Variants in TTN observed in about 807,000 individuals in gnomAD.
TTN encodes connectin.
In TTN, 1,525 loss-of-function variants were observed where a neutral mutation model predicts 3,223.0. That is an observed-to-expected ratio of 0.47 (90% confidence interval 0.45 to 0.49). The LOEUF is 0.49. Among genes scored for constraint, TTN ranks in the 20% least tolerant of loss-of-function variants. The pLI, the probability that TTN is intolerant of heterozygous loss-of-function variation, is 0.00. For synonymous variants in TTN, 14,094 were observed against 15,161.0 expected, an observed-to-expected ratio of 0.93 and a Z score of 5.17; for missense variants, 40,786 against 43,424.0, an observed-to-expected ratio of 0.94 and a Z score of 5.40.
chr2:178,728,257 T>G lies in TTN; in HGVS notation c.19567A>C (p.Thr6523Pro). 1 of 1,613,312 alleles carries G rather than the reference T, an allele frequency of 6.2e-7. No homozygotes were observed. Among genetic ancestry groups the G allele is most frequent in the Non-Finnish European group, 8.5e-7 (1 of 1,179,510 alleles). ...QWFKDGKEISTSAKYRLVCHE... is the reference protein window; with the variant it reads ...QWFKDGKEISPSAKYRLVCHE... Reference sequence around the variant, plus strand: ...CACACAAGTCTGTATTTTGCACTTGTAGATATTTCTTTTCCATCCTTAAAC... The same window carrying G: ...CACACAAGTCTGTATTTTGCACTTGGAGATATTTCTTTTCCATCCTTAAAC... The change falls in exon 67 of 363, where the codon ACA becomes CCA. Residue 6523 changes from threonine to proline, a missense_variant. Physicochemically the swap from Thr to Pro is conservative, Grantham distance 38 (BLOSUM62 -1). Coordinates refer to ENST00000589042, the MANE Select transcript of TTN (RefSeq NM_001267550.2).
At chr2:178,671,230 T>C (rs762666191) in intron 155 of TTN, 60 bp from the exon 156 acceptor site, 53 of 1,278,182 alleles carry the variant, frequency 4.1e-5, no homozygotes, top group African/African-American at 1.7e-4. Context: ...GGAGCACTAC[T>C]ACTAACGTTA....
chr2:178,577,656 C>T lies in TTN; in HGVS notation c.68770G>A (p.Ala22924Thr). The change falls in exon 323 of 363, where the codon GCT (alanine) becomes ACT (threonine). Residue 22924 changes from alanine to threonine, a missense_variant. Physicochemically the swap from Ala to Thr is moderately conservative, Grantham distance 58 (BLOSUM62 0). Coordinates refer to ENST00000589042, the MANE Select transcript of TTN (RefSeq NM_001267550.2). ...GTACTTTCTGATGGAGCACTGATAG[C>T]ACCTGCTGTATTCTTTGCTCTAATT... ...FRIRAKNTAG[A>T]ISAPSESTET... is the part of the protein sequence containing the mutation. 1 of 1,613,086 alleles carries T rather than the reference C, an allele frequency of 6.2e-7. No individual in the cohort carries two copies. Among genetic ancestry groups the T allele is most frequent in the Non-Finnish European group, 8.5e-7 (1 of 1,179,486 alleles).
At position 178,781,252 on chromosome 2, in the gene TTN, C is replaced by T; in HGVS notation, c.3392G>A (p.Ser1131Asn). 1 of 1,613,944 alleles carries T rather than the reference C, an allele frequency of 6.2e-7. No homozygotes were observed. ...PLTTGYRYKV[S>N]YNKQTGECKL... ...GCATTCACCGGTTTGTTTGTTGTAA[C>T]TCACTTTGTATCTTTATGTAAATGT... Residue 1131 changes from serine (S) to asparagine (N), a missense_variant, in exon 21 of 363, where the codon AGT becomes AAT. Ser to Asn is a conservative substitution (Grantham distance 46). Coordinates refer to ENST00000589042, the MANE Select transcript of TTN (RefSeq NM_001267550.2).
At position 178,799,472 on chromosome 2, in the gene TTN, C is replaced by A; in HGVS notation, c.914+15G>T. ...CAAAATGTGCAATAATCTGCTCTCTCTATGGCAGCTTTACCTGACCGGAGA... is the reference window on the plus strand; with the variant it reads ...CAAAATGTGCAATAATCTGCTCTCTATATGGCAGCTTTACCTGACCGGAGA... On this transcript the variant is annotated intron_variant, in intron 6 of 362. Coordinates refer to ENST00000589042, the MANE Select transcript of TTN (RefSeq NM_001267550.2). The A allele has an allele frequency of 6.2e-7, 1 of 1,614,082 alleles. No homozygotes were observed. The highest frequency in any genetic ancestry group is 1.1e-5 in the South Asian group (1 of 91,044).
Position 178,573,457 on chromosome 2 carries a change from C to T in TTN, c.72675G>A (p.Pro24225=), listed in dbSNP as rs374314698. ...TAGTTGTCACTTCAGGGTTTTTGGG[C>T]GGATCAGGGGGTCCATAAGGATTCA... The part of the protein sequence containing the change: ...LAVNPYGPPD[P]PKNPEVTTIT... Residue 24225 remains proline, a synonymous_variant, in exon 326 of 363, where the codon CCG becomes CCA. Transcript: ENST00000589042. The T allele has an allele frequency of 1.4e-5, 21 of 1,514,588 alleles. No homozygotes were observed. Among genetic ancestry groups the T allele is most frequent in the East Asian group, 4.6e-5 (2 of 43,672 alleles). 93.8% of individuals were successfully genotyped at this position (1,514,588 alleles called of 1,614,324 possible). A position where few individuals can be genotyped will look rare whatever the true frequency, so the allele number is the denominator to read the frequency against.
rs774150150 is a variant in TTN at position 178,589,717 on chromosome 2, C to T, written c.62008G>A (p.Gly20670Ser). Reference sequence around the variant, plus strand: ...GCAATGTGAAGGTTTTCAGGCTCACCTGGTCTGTCAATAGGGTTAATAGCC... The same window carrying T: ...GCAATGTGAAGGTTTTCAGGCTCACTTGGTCTGTCAATAGGGTTAATAGCC... ...ILAINPIDRP[G>S]EPENLHIADK... Residue 20670 changes from glycine (G) to serine (S), a missense_variant, in exon 304 of 363, where the codon GGT (glycine) becomes AGT (serine). Transcript: ENST00000589042. The T allele has an allele frequency of 1.9e-6, 3 of 1,613,524 alleles. No individual in the cohort carries two copies. Among genetic ancestry groups the T allele is most frequent in the South Asian group, 1.1e-5 (1 of 91,066 alleles).
chr2:178,738,023 C>T, intron 49 of TTN, 59 bp downstream of exon 49: 2 of 1,568,608 alleles, frequency 1.3e-6, no homozygotes, highest in Non-Finnish European at 1.7e-6. Flanking sequence ...GTACAGAAAG[C>T]AAAAAGGACA....
Position 178,557,905 on chromosome 2 carries a change from A to G in TTN, c.87449T>C (p.Ile29150Thr), listed in dbSNP as rs373106927. The G allele has an allele frequency of 4.0e-5, 64 of 1,613,476 alleles. No homozygotes were observed. The highest frequency in any genetic ancestry group is 1.3e-4 in the Admixed American group (8 of 60,002). Residue 29150 changes from isoleucine to threonine, a missense_variant, in exon 328 of 363, where the codon ATA (isoleucine) becomes ACA (threonine). Transcript: ENST00000589042. ...PPTGPVVISDITEESVTLKWE... is the reference protein window; with the variant it reads ...PPTGPVVISDTTEESVTLKWE... ...TTTGAGAGTCACACTTTCTTCAGTT[A>G]TATCACTAATAACAACAGGGCCAGT...
In TTN at chr2:178,588,056, T is replaced by C; in HGVS notation, c.63351A>G (p.Lys21117=). ...IADASPDEGW[K]RCNAAAQLVR... ...CAAGCTGTGCTGCAGCATTACACCG[T>C]TTCCAGCCTTCATCAGGAGACGCAT... The change falls in exon 305 of 363, where the codon AAA becomes AAG. Residue 21117 remains lysine, a synonymous_variant. Transcript: ENST00000589042. 6.2e-7 allele frequency: 1 copy of C among 1,612,986 alleles called. No homozygotes were observed. The highest frequency in any genetic ancestry group is 8.5e-7 in the Non-Finnish European group (1 of 1,179,352).
Position 178,564,838 on chromosome 2 carries a change from A to G in TTN, c.81294T>C (p.Asn27098=). 6.2e-7 allele frequency: 1 copy of G among 1,613,300 alleles called. No homozygotes were observed. The highest frequency in any genetic ancestry group is 1.7e-4 in the Middle Eastern group (1 of 6,052). The change falls in exon 326 of 363, where the codon AAT becomes AAC. Residue 27098 remains asparagine, a synonymous_variant. Coordinates refer to ENST00000589042, the MANE Select transcript of TTN (RefSeq NM_001267550.2). ...QMLVQWHEPV[N]DGGTKIIGYH... The stretch of plus-strand genomic sequence containing the variant: ...AGCCAATAATTTTGGTGCCTCCATC[A>G]TTCACTGGCTCATGCCATTGCACAA...
intron 6 of TTN, chr2:178,798,635 C>T (rs1292187207): frequency 6.6e-6 from 1 of 152,140 alleles, no homozygotes; most frequent in Non-Finnish European, 1.5e-5. Flanking sequence ...TTGTGACTCT[C>T]TTTAATTTAC....
At position 178,786,050 on chromosome 2, in the gene TTN, A is replaced by C; in HGVS notation, c.2168T>G (p.Leu723Arg). ...GGTCTGCTGAGCATAGGATTCTTCAAGATGCCCAGGCTCTCTGGGCTCTCT... is the reference window on the plus strand; with the variant it reads ...GGTCTGCTGAGCATAGGATTCTTCACGATGCCCAGGCTCTCTGGGCTCTCT... Reference protein sequence around the residue: ...RVREPREPGHLEESYAQQTTL... With the variant: ...RVREPREPGHREESYAQQTTL... Residue 723 changes from leucine to arginine, a missense_variant, in exon 14 of 363, where the codon CTT becomes CGT. By Grantham distance (102) the Leu-to-Arg change is moderately radical. Transcript: ENST00000589042. 1 of 1,614,110 alleles carries C rather than the reference A, an allele frequency of 6.2e-7. No homozygotes were observed. Among genetic ancestry groups the C allele is most frequent in the South Asian group, 1.1e-5 (1 of 91,082 alleles).
rs769919302 is a variant in TTN at position 178,539,607 on chromosome 2, G to A, written c.98458C>T (p.Pro32820Ser). The change falls in exon 352 of 363, where the codon CCT becomes TCT. Residue 32820 changes from proline (P) to serine (S), a missense_variant. Pro to Ser is a moderately conservative substitution (Grantham distance 74). Coordinates refer to ENST00000589042, the MANE Select transcript of TTN (RefSeq NM_001267550.2). ...ATGTCAGCACCACCATCATCAGCAG[G>A]AGGTCTCCAGCTGACCCTCACAGAG... ...VRSVRVSWRP[P>S]ADDGGADILG... The A allele has an allele frequency of 4.3e-6, 7 of 1,613,724 alleles. No homozygotes were observed. The highest frequency in any genetic ancestry group is 1.3e-5 in the African/African-American group (1 of 74,890).
At chr2:178,551,290 C>T (rs767767128) in intron 335 of TTN, 30 bp from the exon 336 acceptor site, 3 of 1,583,308 alleles carry the variant, frequency 1.9e-6, no homozygotes, top group African/African-American at 2.7e-5. Flanking sequence ...GTAAATGCAT[C>T]ATTACATTTG....
At chr2:178,745,281 GT>G in intron 47 of TTN, 2 of 1,205,818 alleles carry the variant, frequency 1.7e-6, no homozygotes, top group Admixed American at 7.2e-5. Context: ...GAAACACTTT[GT>G]GGAGGAGGCA....
In TTN at chr2:178,727,521, T is replaced by C; in HGVS notation, c.19993+64A>G. 4 of 1,518,334 alleles carry C rather than the reference T, an allele frequency of 2.6e-6. No individual in the cohort carries two copies. The South Asian group carries it at 4.1e-5, about 16-fold the overall frequency. 94.1% of individuals were successfully genotyped at this position (1,518,334 alleles called of 1,614,324 possible). ...CTTTCTTGATTGTTTAGAGACATTG[T>C]AACTGAATACAGAGAACCAAAGACA... is the stretch of plus-strand genomic sequence containing the variant. On this transcript the variant is annotated intron_variant, in intron 68 of 362. Coordinates refer to ENST00000589042, the MANE Select transcript of TTN (RefSeq NM_001267550.2).
intron 253 of TTN, 65 bp from the exon 254 acceptor site, chr2:178,617,577 G>T: frequency 6.8e-7 from 1 of 1,468,290 alleles, no homozygotes; most frequent in Non-Finnish European, 9.1e-7. Context: ...AAACAGTGTT[G>T]TAATCAATTA....
chr2:178,641,218 C>T (rs1399434388), intron 220 of TTN, 23 bp downstream of exon 220: 2 of 1,448,526 alleles, frequency 1.4e-6, no homozygotes, highest in Middle Eastern at 2.0e-4. Context: ...GATAATCTTA[C>T]AAATTGTCAC....
At position 178,605,975 on chromosome 2, in the gene TTN, T is replaced by C. The variant is rs1037828460; in HGVS notation, c.53582-262A>G. On this transcript the variant is annotated intron_variant, in intron 278 of 362. Coordinates refer to ENST00000589042, the MANE Select transcript of TTN (RefSeq NM_001267550.2). ...CGTATGCTTTTTTAATTTAACATTT[T>C]AGATTGTTTACCTTTGTAACTGGGG... is the stretch of plus-strand genomic sequence containing the variant. 4.6e-5 allele frequency among the ~76,000 whole-genome samples: 7 copies of C among 152,026 alleles called. No individual in the cohort carries two copies. The East Asian group carries it at 1.2e-3, about 25-fold the overall frequency.
Sources: gnomAD v4.1 joint callset for allele counts (sites outside exome capture counted in the v4.1 genomes callset) on GRCh38, gnomAD v4.1.1 for gene constraint, MANE v1.5 for transcripts, NCBI Gene and HGNC (gene_info 2026-07-23, HGNC 2026-07-21) for gene names.